GLIS3: variants seen among roughly 807,000 people sequenced by gnomAD.
GLIS3 encodes the protein GLIS family zinc finger 3, also known as zinc finger protein GLIS3.
In GLIS3, 53 loss-of-function variants were observed where a neutral mutation model predicts 78.6. The observed-to-expected ratio is 0.67, with a 90% CI of 0.54 to 0.85. The LOEUF is 0.85. Ranked by LOEUF, GLIS3 falls within the 40% of genes least tolerant of loss-of-function variation. The pLI is 0.00. For synonymous variants in GLIS3, 684 were observed against 509.9 expected, an observed-to-expected ratio of 1.34 and a Z score of -4.60; for missense variants, 1,703 against 1,231.1, an observed-to-expected ratio of 1.38 and a Z score of -5.74.
At chr9:4,233,949 A>C (rs866635466) in intron 2 of GLIS3, among the ~76,000 whole-genome samples, 1 of 152,120 alleles carries the variant, frequency 6.6e-6, no homozygotes. Flanking sequence ...TTTTTTCCTT[A>C]AACTTCATAA....
At chr9:3,843,917 A>C (rs976514963) in intron 9 of GLIS3, among the ~76,000 whole-genome samples, 4 of 152,176 alleles carry the variant, frequency 2.6e-5, no homozygotes, top group Non-Finnish European at 4.4e-5. Flanking sequence ...AAAAATACCG[A>C]AATGTTTTTA....
At chr9:4,447,693 G>C in the GLIS3 span, among the ~76,000 whole-genome samples, 1 of 152,112 alleles carries the variant, frequency 6.6e-6, no homozygotes, top group Non-Finnish European at 1.5e-5. Flanking sequence ...TGAAAGAGAT[G>C]CTGAAATTTT....
At chr9:4,090,406 G>C (rs1347336534) in intron 4 of GLIS3, among the ~76,000 whole-genome samples, 1 of 151,848 alleles carries the variant, frequency 6.6e-6, no homozygotes, top group Non-Finnish European at 1.5e-5. Flanking sequence ...ACAGTACCCA[G>C]GATGTGACAA....
chr9:4,062,916 G>A (rs559435530), intron 4 of GLIS3, among the ~76,000 whole-genome samples: 3 of 150,158 alleles, frequency 2.0e-5, no homozygotes, highest in South Asian at 2.1e-4. Flanking sequence ...GTGACTGAGC[G>A]AGACTCCATT....
At chr9:3,858,490 A>T (rs1179852627) in intron 8 of GLIS3, among the ~76,000 whole-genome samples, 1 of 152,190 alleles carries the variant, frequency 6.6e-6, no homozygotes, top group Non-Finnish European at 1.5e-5. Context: ...GACATGAAGG[A>T]ATAAAATATC....
chr9:3,848,030 A>G (rs1325096753), intron 9 of GLIS3, among the ~76,000 whole-genome samples: 3 of 152,220 alleles, frequency 2.0e-5, no homozygotes, highest in East Asian at 1.9e-4. Flanking sequence ...ATCTATTACA[A>G]TGTTGATTTA....
At position 3,852,358 on chromosome 9, in the gene GLIS3, G is replaced by A. The variant is rs74468184; in HGVS notation, c.2473+3651C>T. Among the ~76,000 whole-genome samples the A allele has an allele frequency of 3.4e-3, 513 of 152,216 alleles. 7 individuals are homozygous for A. The highest frequency in any genetic ancestry group is 0.012 in the African/African-American group (483 of 41,510). The stretch of plus-strand genomic sequence containing the variant: ...GGGTGACTACACTCATTAAAACCAC[G>A]AAGTTTTTGAAAGAGAGAACAAACA... On this transcript the variant is annotated intron_variant, in intron 9 of 10. Transcript: ENST00000381971.
intron 4 of GLIS3, among the ~76,000 whole-genome samples, chr9:4,084,294 CA>C (rs771157196): frequency 1.2e-3 from 103 of 86,146 alleles, no homozygotes; most frequent in Middle Eastern, 6.0e-3. Flanking sequence ...CACACACACA[CA>C]AATTCCTAGC....
At chr9:4,197,579 C>G (rs1453963833) in intron 2 of GLIS3, among the ~76,000 whole-genome samples, 4 of 152,206 alleles carry the variant, frequency 2.6e-5, no homozygotes, top group East Asian at 1.9e-4. Flanking sequence ...TCCCTTGGTG[C>G]TGGTGCTCGT....
At chr9:3,965,840 A>G (rs12343503) in intron 4 of GLIS3, among the ~76,000 whole-genome samples, 1 of 152,210 alleles carries the variant, frequency 6.6e-6, no homozygotes, top group African/African-American at 2.4e-5. Context: ...GGAAACGAAG[A>G]GAAATGGAGA....
intron 4 of GLIS3, among the ~76,000 whole-genome samples, chr9:4,108,321 C>T (rs1830932540): frequency 6.6e-6 from 1 of 152,066 alleles, no homozygotes; most frequent in African/African-American, 2.4e-5. Context: ...TTTCTCTTTC[C>T]CACAGTTCTT....
intron 4 of GLIS3, among the ~76,000 whole-genome samples, chr9:3,996,467 G>C (rs1820750889): frequency 6.6e-6 from 1 of 152,160 alleles, no homozygotes. Context: ...TGTTGTTTGG[G>C]ATAAAGGTAA....
intron 1 of GLIS3, among the ~76,000 whole-genome samples, chr9:4,298,709 C>T (rs1377497728): frequency 1.3e-5 from 2 of 152,130 alleles, no homozygotes; most frequent in Admixed American, 6.5e-5. Flanking sequence ...GTGACGAACC[C>T]GGCGGGGAGG....
chr9:4,393,560 A>G, the GLIS3 span, among the ~76,000 whole-genome samples: 1 of 152,090 alleles, frequency 6.6e-6, no homozygotes, highest in Non-Finnish European at 1.5e-5. Context: ...ATGTTTTGTT[A>G]GTCCCCTTTA....
Position 4,186,683 on chromosome 9 carries a change from T to C in GLIS3, c.389-60742A>G, listed in dbSNP as rs367995562. 1.4e-4 allele frequency among the ~76,000 whole-genome samples: 21 copies of C among 151,896 alleles called. No homozygotes were observed. In the East Asian group the frequency reaches 3.5e-3, roughly 25 times the overall value. On this transcript the variant is annotated intron_variant, in intron 2 of 10. Transcript: ENST00000381971. Reference sequence around the variant, plus strand: ...CTGTTGTTTCCTGACTTTTTAATGATTGCCATTCTAACTGGTGTGAGATGG... The same window carrying C: ...CTGTTGTTTCCTGACTTTTTAATGACTGCCATTCTAACTGGTGTGAGATGG...
chr9:3,937,649 T>C (rs1825970492), intron 4 of GLIS3, among the ~76,000 whole-genome samples: 1 of 152,082 alleles, frequency 6.6e-6, no homozygotes, highest in South Asian at 2.1e-4. Context: ...GAATTGAAGA[T>C]TTGAGAGTCC....
intron 4 of GLIS3, among the ~76,000 whole-genome samples, chr9:4,307,208 G>T (rs535214804): frequency 6.6e-6 from 1 of 152,062 alleles, no homozygotes; most frequent in African/African-American, 2.4e-5. Context: ...AGCCTCCCTT[G>T]GCTCCAGGGC....
chr9:4,201,312 T>C (rs1032429421), intron 2 of GLIS3, among the ~76,000 whole-genome samples: 13 of 152,216 alleles, frequency 8.5e-5, no homozygotes, highest in Admixed American at 3.3e-4. Context: ...TAATCCAACA[T>C]AGTACTGGAA....
At chr9:3,898,470 G>A (rs920544237) in intron 7 of GLIS3, 1 of 597,516 alleles carries the variant, frequency 1.7e-6, no homozygotes. Context: ...ATAACTAAAA[G>A]AGGTAATGCA....
Sources: gnomAD v4.1 joint callset for allele counts (sites outside exome capture counted in the v4.1 genomes callset) on GRCh38, gnomAD v4.1.1 for gene constraint, MANE v1.5 for transcripts, NCBI Gene and HGNC (gene_info 2026-07-23, HGNC 2026-07-21) for gene names.